Variants in RBFOX1 observed in about 807,000 individuals in gnomAD.
RBFOX1 encodes RNA binding protein fox-1 homolog 1.
RBFOX1 carries 8 observed loss-of-function variants against 57.7 expected under a neutral mutation model. The observed-to-expected ratio is 0.14, with a 90% CI of 0.08 to 0.25. The LOEUF (loss-of-function observed/expected upper bound fraction) is 0.25, where lower values mean the gene tolerates loss of function less well. RBFOX1 is among the 10% of genes least tolerant of loss of function. RBFOX1 has a pLI of 1.00. For synonymous variants in RBFOX1, 326 were observed against 222.4 expected (o/e 1.47, Z -4.15); for missense variants, 611 against 548.5 (o/e 1.11, Z -1.14).
intron 1 of RBFOX1, among the ~76,000 whole-genome samples, chr16:5,339,519 G>T (rs1027270634): frequency 2.0e-5 from 2 of 101,338 alleles, no homozygotes; most frequent in Admixed American, 2.8e-4. Flanking sequence ...GTCTTGCTGG[G>T]TCACTCAGGC....
intron 3 of RBFOX1, among the ~76,000 whole-genome samples, chr16:6,884,077 G>C (rs2063481461): frequency 6.6e-6 from 1 of 152,180 alleles, no homozygotes; most frequent in South Asian, 2.1e-4. Context: ...GGTGGCTGCT[G>C]TGTTATGCAA....
chr16:7,104,383 C>T (rs2063209671), intron 4 of RBFOX1, among the ~76,000 whole-genome samples: 2 of 152,124 alleles, frequency 1.3e-5, no homozygotes, highest in African/African-American at 4.8e-5. Flanking sequence ...GGTACCTCAT[C>T]CCCATCAGGA....
At chr16:5,773,666 T>C (rs1043115267) in intron 3 of RBFOX1, among the ~76,000 whole-genome samples, 3 of 152,162 alleles carry the variant, frequency 2.0e-5, no homozygotes, top group African/African-American at 7.2e-5. Context: ...TTCTGAAAAA[T>C]AGAATTGCCA....
chr16:7,217,714 C>T (rs1023868272), intron 4 of RBFOX1, among the ~76,000 whole-genome samples: 1 of 152,110 alleles, frequency 6.6e-6, no homozygotes, highest in African/African-American at 2.4e-5. Context: ...CATTCAATTT[C>T]TTCTGAGAAA....
intron 2 of RBFOX1, among the ~76,000 whole-genome samples, chr16:6,493,692 T>C (rs938458052): frequency 6.6e-6 from 1 of 152,202 alleles, no homozygotes; most frequent in South Asian, 2.1e-4. Flanking sequence ...TATCTCAAAC[T>C]GAACTTCATA....
At chr16:5,669,067 G>A (rs1046139707) in intron 3 of RBFOX1, among the ~76,000 whole-genome samples, 13 of 152,132 alleles carry the variant, frequency 8.5e-5, no homozygotes, top group Non-Finnish European at 1.9e-4. Flanking sequence ...CACTTGGATA[G>A]CACCCCAACA....
intron 3 of RBFOX1, among the ~76,000 whole-genome samples, chr16:7,038,152 G>T (rs2045088822): frequency 1.3e-5 from 2 of 151,918 alleles, no homozygotes; most frequent in Non-Finnish European, 1.5e-5. Context: ...TCGCTGAGAT[G>T]CTCATTCTAC....
At chr16:5,980,839 A>G (rs552090588) in intron 4 of RBFOX1, among the ~76,000 whole-genome samples, 25 of 148,574 alleles carry the variant, frequency 1.7e-4, no homozygotes, top group Middle Eastern at 3.5e-3. Flanking sequence ...AGGCTCAGAC[A>G]CTTTGTCGGG....
At chr16:6,603,025 T>C (rs375152143) in intron 2 of RBFOX1, among the ~76,000 whole-genome samples, 5 of 152,356 alleles carry the variant, frequency 3.3e-5, no homozygotes, top group African/African-American at 9.6e-5. Context: ...CAATTTTATT[T>C]ATTTCAGTAA....
chr16:6,189,059 T>C (rs1346553110), intron 1 of RBFOX1, among the ~76,000 whole-genome samples: 1 of 152,228 alleles, frequency 6.6e-6, no homozygotes, highest in Admixed American at 6.5e-5. Flanking sequence ...AAGTCTTCCA[T>C]GTTTTATGTG....
At chr16:5,682,254 G>A (rs1347615840) in intron 3 of RBFOX1, among the ~76,000 whole-genome samples, 2 of 152,214 alleles carry the variant, frequency 1.3e-5, no homozygotes, top group Admixed American at 6.5e-5. Context: ...TCCATTAAAA[G>A]CCTTCCCATT....
At chr16:6,564,911 T>G (rs376270690) in intron 2 of RBFOX1, among the ~76,000 whole-genome samples, 28 of 152,026 alleles carry the variant, frequency 1.8e-4, no homozygotes, top group African/African-American at 6.8e-4. Context: ...GAGGCTAAGG[T>G]GGGAGGATCA....
At chr16:5,514,223 G>A (rs577084737) in intron 2 of RBFOX1, among the ~76,000 whole-genome samples, 1 of 152,278 alleles carries the variant, frequency 6.6e-6, no homozygotes, top group African/African-American at 2.4e-5. Context: ...TATGTCTGAG[G>A]GTCTACTGTT....
At chr16:7,196,986 G>A (rs2086863000) in intron 4 of RBFOX1, among the ~76,000 whole-genome samples, 1 of 152,184 alleles carries the variant, frequency 6.6e-6, no homozygotes, top group Non-Finnish European at 1.5e-5. Context: ...GCAAGTCTGG[G>A]TAATTTTAAG....
chr16:7,420,532 C>T (rs947372556), intron 4 of RBFOX1, among the ~76,000 whole-genome samples: 1 of 152,056 alleles, frequency 6.6e-6, no homozygotes, highest in Non-Finnish European at 1.5e-5. Context: ...ATCAACCAGG[C>T]CTTTTCTGCA....
At chr16:6,573,637 C>T (rs1301554260) in intron 2 of RBFOX1, 2 of 152,220 alleles carry the variant, frequency 1.3e-5, no homozygotes, top group Non-Finnish European at 2.9e-5. Context: ...GAAAATAAGG[C>T]TTATGACGTT....
At position 5,741,116 on chromosome 16, in the gene RBFOX1, A is replaced by G. The variant is rs2151590919; in HGVS notation, c.319-126187A>G. 5.3e-5 allele frequency among the ~76,000 whole-genome samples: 8 copies of G among 152,332 alleles called. 2 individuals are homozygous for G. The South Asian group carries it at 1.7e-3, about 32-fold the overall frequency. On this transcript the variant is annotated intron_variant, in intron 3 of 19. Coordinates refer to the RBFOX1 transcript ENST00000641259. ...GGTCCAAGGTCACACAGCAAATAGAACTGGGATAGTGGTCCAGTGTCATCT... is the reference window on the plus strand; with the variant it reads ...GGTCCAAGGTCACACAGCAAATAGAGCTGGGATAGTGGTCCAGTGTCATCT...
chr16:6,692,077 C>G (rs1460943515), intron 3 of RBFOX1, among the ~76,000 whole-genome samples: 1 of 152,150 alleles, frequency 6.6e-6, no homozygotes, highest in African/African-American at 2.4e-5. Context: ...TTTTAATATA[C>G]AGAACTGCAA....
rs543111296 is a variant in RBFOX1 at position 5,300,477 on chromosome 16, G to C, written c.219+60372G>C. Among the ~76,000 whole-genome samples, 3 of 152,022 alleles carry C rather than the reference G, an allele frequency of 2.0e-5. No homozygotes were observed. In the South Asian group the frequency reaches 6.3e-4, roughly 32 times the overall value. On this transcript the variant is annotated intron_variant, in intron 1 of 2. Transcript: ENST00000585867. ...CCACTAATGAATTTATTCTTCTAAC[G>C]CACCACCACCCATTCCCCAAAAACC...
Sources: allele counts gnomAD v4.1 joint callset (sites outside exome capture counted in the v4.1 genomes callset), GRCh38; gene constraint gnomAD v4.1.1; transcripts MANE v1.5; gene names NCBI Gene and HGNC (gene_info 2026-07-23, HGNC 2026-07-21).